The following PRDM1 variants were observed in gnomAD, a reference collection of about 807,000 sequenced individuals.
The protein encoded by PRDM1 is PR domain zinc finger protein 1.
PRDM1 carries 13 observed loss-of-function variants against 62.8 expected under a neutral mutation model. The observed-to-expected ratio is 0.21, with a 90% CI of 0.13 to 0.33. The LOEUF (loss-of-function observed/expected upper bound fraction) is 0.33, where lower values mean the gene tolerates loss of function less well. Among genes scored for constraint, PRDM1 ranks in the 10% least tolerant of loss-of-function variants. The pLI is 1.00. For synonymous variants in PRDM1, 396 were observed against 417.6 expected (o/e 0.95, Z 0.63); for missense variants, 895 against 1,058.8 (o/e 0.85, Z 2.15).
At chr6:106,092,941 G>GTA (rs1201059281) in intron 2 of PRDM1, among the ~76,000 whole-genome samples, 2 of 152,144 alleles carry the variant, frequency 1.3e-5, no homozygotes, top group African/African-American at 2.4e-5. Flanking sequence ...GTGCCCTATA[G>GTA]CACTGTATGT....
Position 106,109,873 on chromosome 6 carries a change from A to C in PRDM1, c.*2387A>C, listed in dbSNP as rs1239822441. The C allele has an allele frequency of 4.3e-6, 1 of 231,554 alleles. No homozygotes were observed. The highest frequency in any genetic ancestry group is 8.6e-6 in the Non-Finnish European group (1 of 116,792). 14.3% of individuals were successfully genotyped at this position (231,554 alleles called of 1,614,324 possible). A position where few individuals can be genotyped will look rare whatever the true frequency, so the allele number is the denominator to read the frequency against. On this transcript the variant is annotated 3_prime_UTR_variant, in exon 7 of 7. Transcript: ENST00000369096. ...CTATCTTATGTTTACATACTGGTTTACAATGTTATTTATGTGCAAATTGTC... is the reference window on the plus strand; with the variant it reads ...CTATCTTATGTTTACATACTGGTTTCCAATGTTATTTATGTGCAAATTGTC...
At chr6:106,049,107 C>T (rs74699290) in intron 1 of PRDM1, among the ~76,000 whole-genome samples, 1,891 of 152,220 alleles carry the variant, frequency 0.012, 14 homozygotes, top group Non-Finnish European at 0.018. Flanking sequence ...TGGACCACTG[C>T]GCCTGGCCCC....
intron 1 of PRDM1, among the ~76,000 whole-genome samples, chr6:106,014,483 G>A (rs1020280704): frequency 2.0e-5 from 3 of 151,324 alleles, no homozygotes; most frequent in African/African-American, 4.9e-5. Flanking sequence ...CAAAGGACTT[G>A]GATGAATGCA....
chr6:106,060,476 T>C (rs1324736593), intron 1 of PRDM1, among the ~76,000 whole-genome samples: 1 of 152,136 alleles, frequency 6.6e-6, no homozygotes, highest in African/African-American at 2.4e-5. Context: ...GTGGAGGCTG[T>C]AGACATAGAT....
intron 1 of PRDM1, among the ~76,000 whole-genome samples, chr6:106,040,063 T>C (rs7756056): frequency 0.9 from 136,966 of 152,348 alleles, 61,648 homozygotes; most frequent in South Asian, 0.94. Context: ...TCAAAATATT[T>C]CCTGTGTGTT....
chr6:106,002,760 T>C (rs951221186), intron 1 of PRDM1, among the ~76,000 whole-genome samples: 2 of 152,180 alleles, frequency 1.3e-5, no homozygotes, highest in Non-Finnish European at 2.9e-5. Context: ...TTATCAAGGA[T>C]TGGCCCTAGA....
At position 106,105,236 on chromosome 6, in the gene PRDM1, C is replaced by T. The variant is rs1774426200; in HGVS notation, c.1076C>T (p.Thr359Met). 6.2e-7 allele frequency: 1 copy of T among 1,613,688 alleles called. No individual in the cohort carries two copies. The highest frequency in any genetic ancestry group is 8.5e-7 in the Non-Finnish European group (1 of 1,179,984). ...SSSPHSSPGN[T>M]VSPVGPGSQE... ...AGCCCTCACAGCAGCCCTGGGAATA[C>T]GGTGTCCCCTGTGGGCCCCGGCTCT... is the stretch of plus-strand genomic sequence containing the variant. The change falls in exon 5 of 7, where the codon ACG (threonine) becomes ATG (methionine). Residue 359 changes from threonine (T) to methionine (M), a missense_variant. Transcript: ENST00000369096.
intron 1 of PRDM1, chr6:106,087,937 C>CTTT (rs67873862): frequency 2.5e-5 from 5 of 198,918 alleles, no homozygotes; most frequent in South Asian, 8.8e-5. Context: ...AGAGGTGATT[C>CTTT]TTTTTTTTTT....
At chr6:106,011,377 G>T (rs1046294698) in intron 1 of PRDM1, among the ~76,000 whole-genome samples, 11 of 152,264 alleles carry the variant, frequency 7.2e-5, no homozygotes, top group Non-Finnish European at 1.3e-4. Flanking sequence ...AGGCACTTAG[G>T]TCCTTTTGTT....
chr6:106,040,133 A>G (rs1772973684), intron 1 of PRDM1, among the ~76,000 whole-genome samples: 1 of 152,254 alleles, frequency 6.6e-6, no homozygotes, highest in African/African-American at 2.4e-5. Flanking sequence ...ACCCAGCTAC[A>G]TGCACTGGTT....
intron 2 of PRDM1, among the ~76,000 whole-genome samples, 161 bp from the exon 3 acceptor site, chr6:106,095,454 G>GA (rs745623405): frequency 6.6e-6 from 1 of 152,218 alleles, no homozygotes; most frequent in Non-Finnish European, 1.5e-5. Context: ...CCCCTATGGT[G>GA]AAGCTTGTTA....
chr6:106,069,738 T>C lies in PRDM1; in HGVS notation c.-66-18463T>C, dbSNP rs62420736. Among the ~76,000 whole-genome samples, 307 of 152,308 alleles carry C rather than the reference T, an allele frequency of 2.0e-3. 1 individual carries two copies. The highest frequency in any genetic ancestry group is 7.3e-3 in the South Asian group (35 of 4,824). Reference sequence around the variant, plus strand: ...CCTGGCAGTCAGCCAAGCTAAATATTTCTGCTGGATAAAAAATGCACTCTC... The same window carrying C: ...CCTGGCAGTCAGCCAAGCTAAATATCTCTGCTGGATAAAAAATGCACTCTC... On this transcript the variant is annotated intron_variant, in intron 1 of 6. Transcript: ENST00000651185.
intron 1 of PRDM1, among the ~76,000 whole-genome samples, chr6:106,038,012 G>GTATTTTTTTTT: frequency 4.9e-5 from 1 of 20,514 alleles, no homozygotes; most frequent in South Asian, 2.3e-3. Flanking sequence ...TGCTATTTTT[G>GTATTTTTTTTT]TCTTTTTTTT....
chr6:106,056,310 A>C (rs1253092889), intron 1 of PRDM1, among the ~76,000 whole-genome samples: 1 of 152,228 alleles, frequency 6.6e-6, no homozygotes, highest in Non-Finnish European at 1.5e-5. Flanking sequence ...TAAGAGGATA[A>C]GGACAGTTTC....
rs571760177 is a variant in PRDM1, at chr6:106,109,067, T to C, written c.*1581T>C. Reference sequence around the variant, plus strand: ...CACTTAAATTGTGAGCCAAGCCATGTAAAAGATCTACTTTTTCTAAGGGCA... The same window carrying C: ...CACTTAAATTGTGAGCCAAGCCATGCAAAAGATCTACTTTTTCTAAGGGCA... On this transcript the variant is annotated 3_prime_UTR_variant, in exon 7 of 7. Transcript: ENST00000369096. 1.3e-5 allele frequency: 2 copies of C among 154,514 alleles called. No individual in the cohort carries two copies. The highest frequency in any genetic ancestry group is 3.1e-5 in the African/African-American group (1 of 32,454). 9.6% of individuals were successfully genotyped at this position (154,514 alleles called of 1,614,324 possible). A position where few individuals can be genotyped will look rare whatever the true frequency, so the allele number is the denominator to read the frequency against.
intron 1 of PRDM1, among the ~76,000 whole-genome samples, chr6:106,003,418 G>C (rs1446487363): frequency 6.6e-6 from 1 of 152,082 alleles, no homozygotes; most frequent in Admixed American, 6.5e-5. Flanking sequence ...CAGACTGCAG[G>C]TTTATTGGGT....
chr6:106,028,051 TA>T (rs1206834057), intron 1 of PRDM1, among the ~76,000 whole-genome samples: 7 of 152,366 alleles, frequency 4.6e-5, no homozygotes, highest in East Asian at 3.9e-4. Flanking sequence ...TCTTCTACCC[TA>T]AAAAACACAT....
upstream of PRDM1, among the ~76,000 whole-genome samples, chr6:106,084,608 T>C (rs1773755464): frequency 6.6e-6 from 1 of 152,226 alleles, no homozygotes; most frequent in African/African-American, 2.4e-5. Flanking sequence ...CATCTGCAAG[T>C]GAGACTGTTT....
intron 1 of PRDM1, among the ~76,000 whole-genome samples, chr6:106,011,624 C>T (rs534738140): frequency 2.0e-5 from 3 of 152,064 alleles, no homozygotes; most frequent in Non-Finnish European, 4.4e-5. Context: ...TCTCACCCCC[C>T]GCCCCCTGCA....
Sources: allele counts gnomAD v4.1 joint callset (sites outside exome capture counted in the v4.1 genomes callset), GRCh38; gene constraint gnomAD v4.1.1; transcripts MANE v1.5; gene names NCBI Gene and HGNC (gene_info 2026-07-23, HGNC 2026-07-21).